The following RIMS2 variants were observed in gnomAD, a reference collection of about 807,000 sequenced individuals.
RIMS2 encodes the protein regulating synaptic membrane exocytosis protein 2.
A neutral mutation model predicts 174.4 loss-of-function variants in RIMS2; 59 were observed. That is an observed-to-expected ratio of 0.34 (90% confidence interval 0.27 to 0.42). RIMS2 has a LOEUF of 0.42. RIMS2 is among the 10% of genes least tolerant of loss of function. The pLI is 1.00. For missense variants in RIMS2, 1,620 were observed against 1,666.3 expected (o/e 0.97, Z 0.48); for synonymous variants, 606 against 572.5 (o/e 1.06, Z -0.84).
At chr8:103,569,789 A>ATTTT in intron 1 of RIMS2, among the ~76,000 whole-genome samples, 1 of 136,410 alleles carries the variant, frequency 7.3e-6, no homozygotes, top group Admixed American at 7.4e-5. Context: ...GCTAATTTTA[A>ATTTT]TTTTTTTTTT....
chr8:103,906,941 G>T (rs1221488012), intron 4 of RIMS2, among the ~76,000 whole-genome samples: 5 of 152,102 alleles, frequency 3.3e-5, no homozygotes, highest in Non-Finnish European at 4.4e-5. Context: ...TACCAATATT[G>T]TAATTATTTG....
At chr8:103,854,383 T>A (rs1394968179) in intron 3 of RIMS2, among the ~76,000 whole-genome samples, 1 of 152,102 alleles carries the variant, frequency 6.6e-6, no homozygotes, top group Admixed American at 6.6e-5. Flanking sequence ...TGGCTAGGAC[T>A]TCAGTAATAT....
chr8:103,771,191 T>C (rs759956039), intron 3 of RIMS2, among the ~76,000 whole-genome samples: 2 of 152,202 alleles, frequency 1.3e-5, no homozygotes, highest in African/African-American at 2.4e-5. Flanking sequence ...ACTTAACATA[T>C]AGTCATAAAT....
At chr8:103,957,815 T>C (rs1243404065) in intron 14 of RIMS2, among the ~76,000 whole-genome samples, 1 of 152,104 alleles carries the variant, frequency 6.6e-6, no homozygotes, top group Non-Finnish European at 1.5e-5. Flanking sequence ...TCAATATCAC[T>C]AATCATTAGG....
chr8:103,836,938 G>T (rs1044757538), intron 3 of RIMS2, among the ~76,000 whole-genome samples: 8 of 152,180 alleles, frequency 5.3e-5, no homozygotes, highest in African/African-American at 1.9e-4. Flanking sequence ...TGATAGTACA[G>T]TGCAAAGATT....
chr8:104,180,308 G>A (rs1273787837), intron 19 of RIMS2, among the ~76,000 whole-genome samples: 2 of 150,406 alleles, frequency 1.3e-5, no homozygotes, highest in Non-Finnish European at 3.0e-5. Context: ...GAATATGAGA[G>A]AACTTATTTT....
At chr8:103,755,586 C>T (rs1341734114) in intron 2 of RIMS2, among the ~76,000 whole-genome samples, 1 of 152,122 alleles carries the variant, frequency 6.6e-6, no homozygotes, top group Non-Finnish European at 1.5e-5. Flanking sequence ...TAGATTTGGT[C>T]TTTTCACATT....
chr8:103,732,153 A>G (rs2097606584), intron 2 of RIMS2, among the ~76,000 whole-genome samples: 1 of 152,176 alleles, frequency 6.6e-6, no homozygotes, highest in African/African-American at 2.4e-5. Context: ...TATCTACGTA[A>G]GGGGGTACCC....
At chr8:103,540,626 C>T (rs1264249186) in intron 1 of RIMS2, among the ~76,000 whole-genome samples, 1 of 152,096 alleles carries the variant, frequency 6.6e-6, no homozygotes, top group African/African-American at 2.4e-5. Context: ...GGTATAACAC[C>T]ACCAAAAGAA....
In RIMS2 at chr8:103,717,887, A is replaced by C. The variant is rs373032525; in HGVS notation, c.387+20591A>C. Among the ~76,000 whole-genome samples, 13 of 152,312 alleles carry C rather than the reference A, an allele frequency of 8.5e-5. No individual in the cohort carries two copies. In the East Asian group the frequency reaches 1.5e-3, roughly 18 times the overall value. On this transcript the variant is annotated intron_variant, in intron 2 of 23. Transcript: ENST00000504942. Reference sequence around the variant, plus strand: ...AGTCACATATAGCTAGCTATTGAACACTTGAAAAGTGGCTGGTTGACTGAG... The same window carrying C: ...AGTCACATATAGCTAGCTATTGAACCCTTGAAAAGTGGCTGGTTGACTGAG...
At chr8:103,900,139 G>T (rs1263517068) in intron 4 of RIMS2, among the ~76,000 whole-genome samples, 1 of 151,648 alleles carries the variant, frequency 6.6e-6, no homozygotes, top group Non-Finnish European at 1.5e-5. Flanking sequence ...AGTATAGTTT[G>T]AACTCAGGTA....
At chr8:103,884,530 AAGC>A (rs1458871039) in intron 3 of RIMS2, among the ~76,000 whole-genome samples, 2 of 151,838 alleles carry the variant, frequency 1.3e-5, no homozygotes, top group African/African-American at 4.8e-5. Context: ...AGAAGGTAAT[AAGC>A]AGTTTCTTCC....
At position 104,094,712 on chromosome 8, in the gene RIMS2, C is replaced by T. The variant is rs918857771; in HGVS notation, c.3334+80097C>T. On this transcript the variant is annotated intron_variant, in intron 19 of 23. Coordinates refer to ENST00000504942, the Ensembl canonical transcript of RIMS2. ...ATAAAGAGGATTTGCAAAGGAGATT[C>T]TCACAAGATGATACCAGGTAAAATA... 2.9e-5 allele frequency: 20 copies of T among 691,284 alleles called. No homozygotes were observed. In the African/African-American group the frequency reaches 3.0e-4, roughly 10 times the overall value. 42.8% of individuals were successfully genotyped at this position (691,284 alleles called of 1,614,324 possible).
intron 1 of RIMS2, among the ~76,000 whole-genome samples, chr8:103,541,422 C>T (rs1842523462): frequency 6.6e-6 from 1 of 152,114 alleles, no homozygotes; most frequent in Non-Finnish European, 1.5e-5. Context: ...AAATACTTTC[C>T]CATACAAACA....
chr8:104,103,046 A>G (rs2097938057), intron 19 of RIMS2, among the ~76,000 whole-genome samples: 1 of 152,246 alleles, frequency 6.6e-6, no homozygotes, highest in Non-Finnish European at 1.5e-5. Flanking sequence ...AATATTATTC[A>G]GCTGTAAAAA....
chr8:103,589,247 A>G (rs1342087873), intron 1 of RIMS2, among the ~76,000 whole-genome samples: 1 of 151,672 alleles, frequency 6.6e-6, no homozygotes, highest in Non-Finnish European at 1.5e-5. Flanking sequence ...AAATCTAATA[A>G]TCCATTTAAA....
At chr8:104,131,028 T>C (rs1050929984) in intron 19 of RIMS2, among the ~76,000 whole-genome samples, 1 of 152,226 alleles carries the variant, frequency 6.6e-6, no homozygotes, top group East Asian at 1.9e-4. Flanking sequence ...GGAGCTTCTA[T>C]TTTATTCTAT....
At chr8:103,517,011 G>T (rs1406723348) in intron 1 of RIMS2, among the ~76,000 whole-genome samples, 1 of 152,162 alleles carries the variant, frequency 6.6e-6, no homozygotes, top group African/African-American at 2.4e-5. Context: ...TTAAACAAAT[G>T]CATTTTGAGC....
At chr8:103,754,482 G>C (rs576795391) in intron 2 of RIMS2, among the ~76,000 whole-genome samples, 1,575 of 152,044 alleles carry the variant, frequency 0.01, 7 homozygotes, top group Non-Finnish European at 0.018. Context: ...CCTGGATATC[G>C]TTTTTAACTT....
Sources: allele counts gnomAD v4.1 joint callset (sites outside exome capture counted in the v4.1 genomes callset), GRCh38; gene constraint gnomAD v4.1.1; transcripts MANE v1.5; gene names NCBI Gene and HGNC (gene_info 2026-07-23, HGNC 2026-07-21).